CMIP: variants seen among roughly 807,000 people sequenced by gnomAD.
CMIP encodes the protein C-Maf-inducing protein.
A neutral mutation model predicts 97.3 loss-of-function variants in CMIP; 13 were observed. That is an observed-to-expected ratio of 0.13 (90% confidence interval 0.09 to 0.21). The LOEUF is 0.21. CMIP is among the 10% of genes least tolerant of loss of function. CMIP has a pLI of 1.00. For missense variants in CMIP, 847 were observed against 1,024.9 expected, an observed-to-expected ratio of 0.83 and a Z score of 2.37; for synonymous variants, 538 against 436.3, an observed-to-expected ratio of 1.23 and a Z score of -2.91.
At chr16:81,596,522 A>G (rs1247146694) in intron 1 of CMIP, among the ~76,000 whole-genome samples, 3 of 151,722 alleles carry the variant, frequency 2.0e-5, no homozygotes, top group Non-Finnish European at 4.4e-5. Context: ...AAAAAAAAAA[A>G]AAAAATTTCA....
chr16:81,451,852 G>T (rs1906235744), intron 1 of CMIP, among the ~76,000 whole-genome samples: 2 of 152,226 alleles, frequency 1.3e-5, no homozygotes, highest in African/African-American at 4.8e-5. Context: ...CAGCCCCATG[G>T]TGGAGGAAGA....
chr16:81,452,118 C>T (rs749775197), intron 1 of CMIP, among the ~76,000 whole-genome samples: 1 of 152,208 alleles, frequency 6.6e-6, no homozygotes, highest in Non-Finnish European at 1.5e-5. Context: ...CGTTACCCCT[C>T]CCATGTGCAC....
At chr16:81,608,608 C>T (rs376720732) in intron 2 of CMIP, among the ~76,000 whole-genome samples, 1 of 152,130 alleles carries the variant, frequency 6.6e-6, no homozygotes, top group East Asian at 1.9e-4. Flanking sequence ...TGACCTCAGG[C>T]AAGGCCCAGG....
At chr16:81,580,361 G>A (rs2091275180) in intron 1 of CMIP, among the ~76,000 whole-genome samples, 1 of 152,118 alleles carries the variant, frequency 6.6e-6, no homozygotes, top group Non-Finnish European at 1.5e-5. Context: ...TTCTAATTGA[G>A]ATAAATTCAC....
intron 9 of CMIP, among the ~76,000 whole-genome samples, chr16:81,676,429 C>G (rs1394848723): frequency 2.6e-5 from 4 of 152,104 alleles, no homozygotes; most frequent in Non-Finnish European, 5.9e-5. Flanking sequence ...CAACTTGACC[C>G]AGGTTAGCGT....
intron 1 of CMIP, among the ~76,000 whole-genome samples, chr16:81,605,850 G>A (rs1349270185): frequency 6.6e-6 from 1 of 152,246 alleles, no homozygotes; most frequent in African/African-American, 2.4e-5. Flanking sequence ...CCAGCACCTA[G>A]CATGGCGCCT....
chr16:81,471,135 A>G (rs530049782), intron 1 of CMIP, among the ~76,000 whole-genome samples: 5 of 152,374 alleles, frequency 3.3e-5, no homozygotes, highest in African/African-American at 1.2e-4. Context: ...ATACACATAT[A>G]CATGCATACA....
chr16:81,676,278 G>A (rs1196001469), intron 9 of CMIP, among the ~76,000 whole-genome samples: 3 of 152,046 alleles, frequency 2.0e-5, no homozygotes, highest in Admixed American at 1.3e-4. Context: ...GCACGATGCT[G>A]CCAACACGTT....
chr16:81,535,903 A>G (rs1238538596), intron 1 of CMIP, among the ~76,000 whole-genome samples: 1 of 152,156 alleles, frequency 6.6e-6, no homozygotes, highest in Non-Finnish European at 1.5e-5. Flanking sequence ...CAGGTTTTTG[A>G]GAAAATTGTC....
At chr16:81,480,654 GT>G (rs1908204273) in intron 1 of CMIP, among the ~76,000 whole-genome samples, 1 of 152,210 alleles carries the variant, frequency 6.6e-6, no homozygotes, top group South Asian at 2.1e-4. Context: ...CTACTTATGT[GT>G]TTGCTATGGG....
intron 1 of CMIP, among the ~76,000 whole-genome samples, chr16:81,461,538 A>G (rs1437355396): frequency 6.6e-6 from 1 of 152,118 alleles, no homozygotes; most frequent in African/African-American, 2.4e-5. Context: ...CGGGGACCCT[A>G]TTTGCCATTC....
chr16:81,664,079 C>T (rs1429675003), intron 6 of CMIP, among the ~76,000 whole-genome samples, 190 bp from the exon 7 acceptor site: 2 of 152,140 alleles, frequency 1.3e-5, no homozygotes, highest in Non-Finnish European at 2.9e-5. Context: ...CCTTCCTCTC[C>T]GTTCTGCTCT....
chr16:81,559,798 T>TA (rs1191439496), intron 1 of CMIP, among the ~76,000 whole-genome samples: 3 of 152,060 alleles, frequency 2.0e-5, no homozygotes, highest in Non-Finnish European at 4.4e-5. Context: ...CTTCTAGTTA[T>TA]AAAAAAATGA....
At chr16:81,594,061 C>T (rs1202294427) in intron 1 of CMIP, among the ~76,000 whole-genome samples, 1 of 89,988 alleles carries the variant, frequency 1.1e-5, no homozygotes, top group Non-Finnish European at 2.3e-5. Flanking sequence ...TCCTCCTCTT[C>T]CCCCTCCCCC....
intron 1 of CMIP, among the ~76,000 whole-genome samples, chr16:81,508,887 G>C (rs992826022): frequency 6.6e-6 from 1 of 152,208 alleles, no homozygotes; most frequent in Admixed American, 6.5e-5. Context: ...GGGTTGGGAA[G>C]TACTTAGGAG....
intron 1 of CMIP, among the ~76,000 whole-genome samples, chr16:81,450,354 G>T (rs1301209280): frequency 6.6e-6 from 1 of 152,210 alleles, no homozygotes; most frequent in East Asian, 1.9e-4. Flanking sequence ...CATGGCGCTG[G>T]ATCTGGATTT....
intron 1 of CMIP, among the ~76,000 whole-genome samples, chr16:81,565,371 G>A (rs1002076434): frequency 3.9e-5 from 6 of 152,224 alleles, no homozygotes; most frequent in African/African-American, 1.4e-4. Context: ...TTGTTGGCAA[G>A]CAGGTGGGCA....
At chr16:81,656,427 T>A (rs1203386606) in intron 4 of CMIP, among the ~76,000 whole-genome samples, 3 of 152,216 alleles carry the variant, frequency 2.0e-5, no homozygotes, top group Admixed American at 2.0e-4. Flanking sequence ...GTGGCTCTTT[T>A]AGGAAATACG....
chr16:81,612,652 A>T (rs1345229138), intron 2 of CMIP, among the ~76,000 whole-genome samples: 1 of 152,198 alleles, frequency 6.6e-6, no homozygotes, highest in Non-Finnish European at 1.5e-5. Flanking sequence ...AGAACTTGGC[A>T]AGTTTGGGAG....
Sources: gnomAD v4.1 joint callset for allele counts (sites outside exome capture counted in the v4.1 genomes callset) on GRCh38, gnomAD v4.1.1 for gene constraint, MANE v1.5 for transcripts, NCBI Gene and HGNC (gene_info 2026-07-23, HGNC 2026-07-21) for gene names.